The following PHACTR1 variants were observed in gnomAD, a reference collection of about 807,000 sequenced individuals.
PHACTR1 encodes phosphatase and actin regulator 1.
Under a neutral mutation model 69.2 loss-of-function variants are expected in PHACTR1, and 16 were observed. The ratio of observed to expected loss-of-function variants is 0.23; its 90% CI spans 0.16 to 0.35. The LOEUF (loss-of-function observed/expected upper bound fraction) is 0.35, where lower values mean the gene tolerates loss of function less well. PHACTR1 is among the 10% of genes least tolerant of loss of function. The pLI, the probability that PHACTR1 is intolerant of heterozygous loss-of-function variation, is 1.00. For synonymous variants in PHACTR1, 312 were observed against 284.5 expected, an observed-to-expected ratio of 1.10 and a Z score of -0.97; for missense variants, 510 against 734.7, an observed-to-expected ratio of 0.69 and a Z score of 3.54.
chr6:12,993,370 C>T (rs547504550), intron 4 of PHACTR1, among the ~76,000 whole-genome samples: 2 of 152,310 alleles, frequency 1.3e-5, no homozygotes, highest in South Asian at 2.1e-4. Flanking sequence ...TTGAAATACT[C>T]ATTCATTAGT....
chr6:12,899,467 A>G (rs1784984483), intron 4 of PHACTR1, among the ~76,000 whole-genome samples: 2 of 152,204 alleles, frequency 1.3e-5, no homozygotes, highest in Admixed American at 1.3e-4. Flanking sequence ...GGGTTCCTTT[A>G]ATTTGTCTGA....
At chr6:12,847,998 A>G (rs1779455480) in intron 4 of PHACTR1, among the ~76,000 whole-genome samples, 1 of 152,180 alleles carries the variant, frequency 6.6e-6, no homozygotes, top group Non-Finnish European at 1.5e-5. Flanking sequence ...TGATGTGGTT[A>G]GAAGAACAGC....
At chr6:12,887,033 C>A (rs1057498510) in intron 4 of PHACTR1, among the ~76,000 whole-genome samples, 1 of 152,108 alleles carries the variant, frequency 6.6e-6, no homozygotes, top group African/African-American at 2.4e-5. Context: ...TCCTCTTCCC[C>A]TTGTCCTCCA....
chr6:13,014,970 C>T (rs2127654134), intron 4 of PHACTR1, among the ~76,000 whole-genome samples: 1 of 152,336 alleles, frequency 6.6e-6, no homozygotes. Context: ...AGCAGCTCAC[C>T]GAACAGGCTC....
intron 8 of PHACTR1, among the ~76,000 whole-genome samples, chr6:13,217,684 C>T (rs185342118): frequency 1.9e-3 from 293 of 152,138 alleles, no homozygotes; most frequent in African/African-American, 6.8e-3. Context: ...ATATATAGAA[C>T]AGCATAGTTT....
intron 4 of PHACTR1, among the ~76,000 whole-genome samples, chr6:12,852,640 G>A (rs938817241): frequency 1.3e-5 from 2 of 152,020 alleles, no homozygotes; most frequent in Non-Finnish European, 2.9e-5. Context: ...AATCCCCCTA[G>A]GTCTGTGGCC....
chr6:12,882,274 G>A (rs760252450), intron 4 of PHACTR1, among the ~76,000 whole-genome samples: 1 of 152,188 alleles, frequency 6.6e-6, no homozygotes, highest in African/African-American at 2.4e-5. Flanking sequence ...CTTGGCCTGA[G>A]AAGGGAGAGA....
intron 6 of PHACTR1, among the ~76,000 whole-genome samples, chr6:13,161,549 A>G (rs1367566653): frequency 6.6e-6 from 1 of 152,046 alleles, no homozygotes; most frequent in Non-Finnish European, 1.5e-5. Flanking sequence ...TACTTTAACA[A>G]TCTGTCCTGA....
intron 4 of PHACTR1, among the ~76,000 whole-genome samples, chr6:13,024,122 G>A (rs1369835732): frequency 4.0e-5 from 6 of 151,538 alleles, no homozygotes; most frequent in Non-Finnish European, 8.8e-5. Context: ...AGACTCAGTT[G>A]CATATTAGTT....
intron 10 of PHACTR1, among the ~76,000 whole-genome samples, chr6:13,231,614 A>G (rs1771223048): frequency 6.6e-6 from 1 of 152,226 alleles, no homozygotes; most frequent in Non-Finnish European, 1.5e-5. Context: ...GTTGGTAGTG[A>G]TGCTTCATTA....
At chr6:13,182,265 C>T (rs867815382) in intron 6 of PHACTR1, among the ~76,000 whole-genome samples, 1 of 152,086 alleles carries the variant, frequency 6.6e-6, no homozygotes, top group African/African-American at 2.4e-5. Context: ...ACATAGAAAA[C>T]GTGATGGATT....
At chr6:13,065,163 A>G (rs539920089) in intron 5 of PHACTR1, among the ~76,000 whole-genome samples, 15 of 152,178 alleles carry the variant, frequency 9.9e-5, no homozygotes, top group African/African-American at 3.1e-4. Context: ...GGGTCAGGAG[A>G]GGTCTAAGAA....
intron 5 of PHACTR1, among the ~76,000 whole-genome samples, chr6:13,099,061 C>T (rs1183948604): frequency 6.6e-6 from 1 of 152,238 alleles, no homozygotes; most frequent in East Asian, 1.9e-4. Context: ...CTTGGTCACT[C>T]CAGCCACACA....
In PHACTR1 at chr6:13,107,456, T is replaced by A. The variant is rs745413915; in HGVS notation, c.416-52748T>A. On this transcript the variant is annotated intron_variant, in intron 5 of 14. Coordinates refer to ENST00000332995, the MANE Select transcript of PHACTR1 (RefSeq NM_030948.6). ...ATAAGTTTGTGTAAATTTGTTATTATTTATTCTTTAATGTAGAATTCAGCA... is the reference window on the plus strand; with the variant it reads ...ATAAGTTTGTGTAAATTTGTTATTAATTATTCTTTAATGTAGAATTCAGCA... 4.6e-5 allele frequency among the ~76,000 whole-genome samples: 7 copies of A among 152,238 alleles called. 1 individual carries two copies. The South Asian group carries it at 1.4e-3, about 32-fold the overall frequency.
chr6:13,087,670 A>G (rs1477016998), intron 5 of PHACTR1, among the ~76,000 whole-genome samples: 1 of 151,438 alleles, frequency 6.6e-6, no homozygotes, highest in Non-Finnish European at 1.5e-5. Context: ...TTTTTGAAAC[A>G]GGGTTTCCCA....
intron 4 of PHACTR1, among the ~76,000 whole-genome samples, chr6:12,792,767 T>G (rs1449879237): frequency 6.6e-6 from 1 of 151,874 alleles, no homozygotes; most frequent in Non-Finnish European, 1.5e-5. Context: ...AATTCAAGAT[T>G]AAGTGATATT....
At chr6:12,935,628 C>CGTGT (rs34887240) in intron 4 of PHACTR1, among the ~76,000 whole-genome samples, 38,587 of 150,720 alleles carry the variant, frequency 0.26, 5,777 homozygotes, top group Middle Eastern at 0.36. Context: ...GGTATGCCCA[C>CGTGT]GTGTGTGTGT....
At chr6:13,017,235 C>G (rs1038353218) in intron 4 of PHACTR1, among the ~76,000 whole-genome samples, 1 of 148,076 alleles carries the variant, frequency 6.8e-6, no homozygotes, top group Non-Finnish European at 1.5e-5. Flanking sequence ...AAGACACTTT[C>G]CACTGTACCT....
chr6:13,077,850 G>A (rs377126872), intron 5 of PHACTR1, among the ~76,000 whole-genome samples: 2 of 152,256 alleles, frequency 1.3e-5, no homozygotes, highest in East Asian at 1.9e-4. Context: ...CAAGACTTGC[G>A]AGACAAAATA....
Sources: gnomAD v4.1 joint callset for allele counts (sites outside exome capture counted in the v4.1 genomes callset) on GRCh38, gnomAD v4.1.1 for gene constraint, MANE v1.5 for transcripts, NCBI Gene and HGNC (gene_info 2026-07-23, HGNC 2026-07-21) for gene names.